Variants in NPAS3 observed in about 807,000 individuals in gnomAD.
NPAS3 encodes neuronal PAS domain-containing protein 3.
NPAS3 carries 14 observed loss-of-function variants against 73.1 expected under a neutral mutation model. That is an observed-to-expected ratio of 0.19 (90% CI 0.13 to 0.30). The LOEUF (loss-of-function observed/expected upper bound fraction) is 0.30. NPAS3 is among the 10% of genes least tolerant of loss of function. NPAS3 has a pLI of 1.00. For synonymous variants in NPAS3, 620 were observed against 541.5 expected (o/e 1.14, Z -2.01); for missense variants, 1,096 against 1,250.0 (o/e 0.88, Z 1.86).
chr14:33,115,650 C>T (rs1257921589), intron 2 of NPAS3, among the ~76,000 whole-genome samples: 1 of 152,070 alleles, frequency 6.6e-6, no homozygotes, highest in Non-Finnish European at 1.5e-5. Flanking sequence ...ATATGTGTTA[C>T]CTAAATATAA....
chr14:33,379,796 G>A (rs1459702855), intron 4 of NPAS3, among the ~76,000 whole-genome samples: 3 of 152,182 alleles, frequency 2.0e-5, no homozygotes, highest in Admixed American at 6.5e-5. Context: ...TGGAACACAC[G>A]TGAGGAAAGT....
Position 33,582,282 on chromosome 14 carries a change from AT to A in NPAS3, c.558+22074del, listed in dbSNP as rs1280433827. 8 of 152,220 alleles carry A rather than the reference AT, an allele frequency of 5.3e-5. No individual in the cohort carries two copies. In the East Asian group the frequency reaches 1.3e-3, roughly 26 times the overall value. The allele number at this position is 152,220 out of a possible 1,614,324, so 9.4% of individuals were successfully genotyped here. A position where few individuals can be genotyped will look rare whatever the true frequency, so the allele number is the denominator to read the frequency against. On this transcript the variant is annotated intron_variant, in intron 5 of 11. Coordinates refer to ENST00000356141, the Ensembl canonical transcript of NPAS3. ...TTTAATAAATTGAAGGTGAAATGGTATTCTCTTGTTTTATAAGAGATTTTCA... is the reference window on the plus strand; with the variant it reads ...TTTAATAAATTGAAGGTGAAATGGTATCTCTTGTTTTATAAGAGATTTTCA...
At chr14:33,205,241 T>C (rs930422544) in intron 2 of NPAS3, among the ~76,000 whole-genome samples, 1 of 152,174 alleles carries the variant, frequency 6.6e-6, no homozygotes, top group East Asian at 1.9e-4. Flanking sequence ...AAACTAGTTA[T>C]TGTTGAACAT....
At chr14:33,138,496 A>T (rs992013197) in intron 2 of NPAS3, among the ~76,000 whole-genome samples, 3 of 152,158 alleles carry the variant, frequency 2.0e-5, no homozygotes, top group African/African-American at 7.2e-5. Context: ...CATTGGTTCA[A>T]TGAATTAAGG....
intron 1 of NPAS3, among the ~76,000 whole-genome samples, chr14:32,947,141 T>C (rs1325453067): frequency 2.0e-5 from 3 of 152,150 alleles, no homozygotes; most frequent in Non-Finnish European, 4.4e-5. Context: ...ATAAAAATAA[T>C]TTTCTTATAA....
chr14:33,754,188 G>A (rs1305020068), intron 7 of NPAS3, among the ~76,000 whole-genome samples: 1 of 152,166 alleles, frequency 6.6e-6, no homozygotes. Flanking sequence ...CTTCAGTAAA[G>A]CATTGCTGTC....
chr14:33,397,560 AATG>A (rs2047275797), intron 4 of NPAS3, among the ~76,000 whole-genome samples: 1 of 152,134 alleles, frequency 6.6e-6, no homozygotes, highest in African/African-American at 2.4e-5. Flanking sequence ...GCATGAGGTT[AATG>A]ATAAGAATTT....
intron 2 of NPAS3, among the ~76,000 whole-genome samples, chr14:33,110,520 A>G (rs929969259): frequency 2.0e-4 from 30 of 152,348 alleles, no homozygotes; most frequent in Non-Finnish European, 4.1e-4. Flanking sequence ...TTTTGAACAC[A>G]AAAACCTTTT....
chr14:33,423,188 C>T (rs1370600631), intron 4 of NPAS3, among the ~76,000 whole-genome samples: 1 of 152,054 alleles, frequency 6.6e-6, no homozygotes, highest in South Asian at 2.1e-4. Context: ...TCTAGAACTA[C>T]AATTTCACAC....
At chr14:33,679,314 C>CTGAAAAGCAGT (rs1408747662) in intron 6 of NPAS3, among the ~76,000 whole-genome samples, 2 of 152,222 alleles carry the variant, frequency 1.3e-5, no homozygotes, top group Non-Finnish European at 2.9e-5. Flanking sequence ...TGCTCAAATA[C>CTGAAAAGCAGT]TGAAAAGCAG....
intron 3 of NPAS3, among the ~76,000 whole-genome samples, chr14:33,317,613 T>A (rs543855582): frequency 6.6e-6 from 1 of 152,156 alleles, no homozygotes; most frequent in Admixed American, 6.6e-5. Context: ...TGAGATCTGA[T>A]GGTTTCTTGA....
intron 4 of NPAS3, among the ~76,000 whole-genome samples, chr14:33,452,261 T>C (rs1185195263): frequency 1.3e-5 from 2 of 152,210 alleles, no homozygotes; most frequent in African/African-American, 4.8e-5. Context: ...TGAACCTACA[T>C]GCTTAAAGTT....
intron 3 of NPAS3, among the ~76,000 whole-genome samples, chr14:33,333,198 C>T (rs73256875): frequency 0.022 from 3,413 of 152,146 alleles, 142 homozygotes; most frequent in African/African-American, 0.077. Flanking sequence ...GTTTTCACAT[C>T]GAAATTTTGA....
chr14:33,734,602 G>T (rs1286999544), intron 6 of NPAS3, among the ~76,000 whole-genome samples: 1 of 152,120 alleles, frequency 6.6e-6, no homozygotes, highest in Non-Finnish European at 1.5e-5. Context: ...TGGAAAGTTG[G>T]TATCGTGAGT....
At chr14:33,439,889 G>A (rs988654863) in intron 4 of NPAS3, among the ~76,000 whole-genome samples, 6 of 152,170 alleles carry the variant, frequency 3.9e-5, no homozygotes, top group African/African-American at 1.2e-4. Context: ...GCCGAGGCGG[G>A]TGCATCACGA....
At chr14:33,573,996 C>T (rs1266081265) in intron 5 of NPAS3, among the ~76,000 whole-genome samples, 1 of 152,142 alleles carries the variant, frequency 6.6e-6, no homozygotes, top group African/African-American at 2.4e-5. Flanking sequence ...ATTTTTAAAA[C>T]TTAGTTTGGA....
chr14:33,477,119 G>A (rs1054052306), intron 4 of NPAS3, among the ~76,000 whole-genome samples: 3 of 150,750 alleles, frequency 2.0e-5, no homozygotes, highest in African/African-American at 4.8e-5. Context: ...ACCCTTTTTA[G>A]CCTTTTGTTG....
In NPAS3 at chr14:33,141,410, C is replaced by T. The variant is rs554523907; in HGVS notation, c.141-73772C>T. Among the ~76,000 whole-genome samples, 4 of 152,244 alleles carry T rather than the reference C, an allele frequency of 2.6e-5. No homozygotes were observed. In the South Asian group the frequency reaches 8.3e-4, roughly 32 times the overall value. On this transcript the variant is annotated intron_variant, in intron 2 of 11. Coordinates refer to ENST00000356141, the Ensembl canonical transcript of NPAS3. ...CTGGCCTCCATTTATTTAATGACTT[C>T]CTCCATGATTATCAAAATAAAATGA...
chr14:33,207,694 A>C (rs1427473683), intron 2 of NPAS3, among the ~76,000 whole-genome samples: 1 of 152,196 alleles, frequency 6.6e-6, no homozygotes, highest in Non-Finnish European at 1.5e-5. Flanking sequence ...ATTTATGAGA[A>C]ATGGAATTAT....
Sources: gnomAD v4.1 joint callset for allele counts (sites outside exome capture counted in the v4.1 genomes callset) on GRCh38, gnomAD v4.1.1 for gene constraint, MANE v1.5 for transcripts, NCBI Gene and HGNC (gene_info 2026-07-23, HGNC 2026-07-21) for gene names.